Variants in WWOX observed in about 807,000 individuals in gnomAD.
WWOX encodes WW domain containing oxidoreductase, also known as WW domain-containing oxidoreductase.
WWOX carries 69 observed loss-of-function variants against 46.2 expected under a neutral mutation model. That is an observed-to-expected ratio of 1.49 (90% confidence interval 1.23 to 1.82). The LOEUF is 1.82. Among genes scored for constraint, WWOX ranks in the 40% most tolerant of loss-of-function variants. The pLI is 0.00. For missense variants in WWOX, 919 were observed against 542.6 expected (o/e 1.69, Z -6.89); for synonymous variants, 359 against 202.6 (o/e 1.77, Z -6.56).
chr16:78,761,458 A>C (rs1246771879), intron 8 of WWOX, among the ~76,000 whole-genome samples: 2 of 152,096 alleles, frequency 1.3e-5, no homozygotes, highest in African/African-American at 4.8e-5. Flanking sequence ...CACCATTGTC[A>C]CCGGGGAGAA....
At chr16:78,933,696 G>C (rs2045672639) in intron 8 of WWOX, among the ~76,000 whole-genome samples, 1 of 152,128 alleles carries the variant, frequency 6.6e-6, no homozygotes, top group Non-Finnish European at 1.5e-5. Context: ...AGAGAGGAGA[G>C]CTTGTGTAGG....
intron 8 of WWOX, among the ~76,000 whole-genome samples, chr16:79,166,576 T>C (rs997101124): frequency 1.3e-5 from 2 of 152,180 alleles, no homozygotes; most frequent in African/African-American, 4.8e-5. Context: ...ACAATTGAAT[T>C]GACTATGTCA....
intron 8 of WWOX, among the ~76,000 whole-genome samples, chr16:78,492,521 C>A (rs777324382): frequency 1.3e-5 from 2 of 152,180 alleles, no homozygotes; most frequent in African/African-American, 4.8e-5. Context: ...ACATCTAGGA[C>A]CATAACAGCG....
At chr16:78,329,587 T>A (rs1421402757) in intron 5 of WWOX, among the ~76,000 whole-genome samples, 1 of 152,220 alleles carries the variant, frequency 6.6e-6, no homozygotes, top group African/African-American at 2.4e-5. Flanking sequence ...CATCTGGCAA[T>A]GTCCCCAGTG....
At chr16:78,562,646 G>C (rs1036209527) in intron 8 of WWOX, among the ~76,000 whole-genome samples, 2 of 152,194 alleles carry the variant, frequency 1.3e-5, no homozygotes, top group Non-Finnish European at 2.9e-5. Flanking sequence ...CTCTTTGTCA[G>C]TTGCTCACAC....
At chr16:79,202,618 A>G (rs965979042) in intron 8 of WWOX, 1 of 152,260 alleles carries the variant, frequency 6.6e-6, no homozygotes, top group East Asian at 1.9e-4. Flanking sequence ...AGAAGCCACA[A>G]CAGTCTAGGA....
At chr16:78,421,408 C>G (rs1289674010) in intron 6 of WWOX, among the ~76,000 whole-genome samples, 1 of 152,132 alleles carries the variant, frequency 6.6e-6, no homozygotes, top group Admixed American at 6.5e-5. Context: ...GTGGGTGTTC[C>G]TTCTCCCCTT....
intron 6 of WWOX, among the ~76,000 whole-genome samples, chr16:78,393,387 A>G (rs557521072): frequency 4.6e-5 from 7 of 152,290 alleles, no homozygotes; most frequent in South Asian, 2.1e-4. Flanking sequence ...GCTGGGCGCA[A>G]TGGTTCATGC....
chr16:79,040,993 C>G (rs1597315576), intron 8 of WWOX, among the ~76,000 whole-genome samples: 1 of 151,934 alleles, frequency 6.6e-6, no homozygotes, highest in South Asian at 2.1e-4. Context: ...TCCCTAGTTA[C>G]TAGCAGACAA....
intron 8 of WWOX, among the ~76,000 whole-genome samples, chr16:78,912,967 C>T (rs903108554): frequency 6.6e-6 from 1 of 152,002 alleles, no homozygotes; most frequent in South Asian, 2.1e-4. Context: ...GAGGGCTCCA[C>T]AAAGAACTCG....
intron 8 of WWOX, among the ~76,000 whole-genome samples, chr16:79,097,812 C>G (rs543420435): frequency 4.6e-5 from 7 of 152,278 alleles, no homozygotes; most frequent in African/African-American, 1.4e-4. Flanking sequence ...AGATTCAAGC[C>G]TTTTGCCCGT....
At chr16:78,299,907 C>A (rs908917141) in intron 5 of WWOX, among the ~76,000 whole-genome samples, 1 of 152,104 alleles carries the variant, frequency 6.6e-6, no homozygotes, top group African/African-American at 2.4e-5. Flanking sequence ...CAGGTTGTTT[C>A]CACTACTGTG....
At chr16:79,065,729 G>T (rs2048429288) in intron 8 of WWOX, among the ~76,000 whole-genome samples, 1 of 152,160 alleles carries the variant, frequency 6.6e-6, no homozygotes, top group South Asian at 2.1e-4. Context: ...GGGAAAGGCT[G>T]TTATCATTCT....
chr16:78,965,080 A>G (rs2046340177), intron 8 of WWOX, among the ~76,000 whole-genome samples: 1 of 152,230 alleles, frequency 6.6e-6, no homozygotes, highest in South Asian at 2.1e-4. Context: ...AACCTCTGCT[A>G]GGGCAGTGCT....
intron 8 of WWOX, among the ~76,000 whole-genome samples, chr16:79,087,235 A>G (rs999906310): frequency 1.3e-5 from 2 of 152,236 alleles, no homozygotes; most frequent in African/African-American, 4.8e-5. Flanking sequence ...GGCATGGATC[A>G]GTGCCTCTCT....
intron 8 of WWOX, among the ~76,000 whole-genome samples, chr16:78,614,440 A>T (rs146597903): frequency 1.3e-5 from 2 of 152,200 alleles, no homozygotes; most frequent in Non-Finnish European, 2.9e-5. Context: ...GGTATCTCCT[A>T]TACTCTGGCT....
At chr16:79,165,557 G>A (rs1281160159) in intron 8 of WWOX, among the ~76,000 whole-genome samples, 1 of 152,172 alleles carries the variant, frequency 6.6e-6, no homozygotes, top group East Asian at 1.9e-4. Context: ...TGTTGTTTCA[G>A]CTGGGGTGCA....
intron 5 of WWOX, among the ~76,000 whole-genome samples, chr16:78,320,982 T>G (rs2080455345): frequency 6.6e-6 from 1 of 152,114 alleles, no homozygotes; most frequent in African/African-American, 2.4e-5. Context: ...TCTGCATTGT[T>G]TGTAGCTTGA....
chr16:78,902,623 G>C (rs1323610590), intron 8 of WWOX, among the ~76,000 whole-genome samples: 2 of 152,218 alleles, frequency 1.3e-5, no homozygotes, highest in East Asian at 1.9e-4. Flanking sequence ...GCTCTCTTTG[G>C]CTGCAACGCT....
Sources: allele counts gnomAD v4.1 joint callset (sites outside exome capture counted in the v4.1 genomes callset), GRCh38; gene constraint gnomAD v4.1.1; transcripts MANE v1.5; gene names NCBI Gene and HGNC (gene_info 2026-07-23, HGNC 2026-07-21).